HIVEP3: variants seen among roughly 807,000 people sequenced by gnomAD.
The protein encoded by HIVEP3 is HIVEP zinc finger 3.
HIVEP3 carries 49 observed loss-of-function variants against 152.8 expected under a neutral mutation model. The observed-to-expected ratio is 0.32, with a 90% CI of 0.26 to 0.41. The LOEUF (loss-of-function observed/expected upper bound fraction) is 0.41, where lower values mean the gene tolerates loss of function less well. Among genes scored for constraint, HIVEP3 ranks in the 10% least tolerant of loss-of-function variants. The pLI, the probability that HIVEP3 is intolerant of heterozygous loss-of-function variation, is 1.00. For missense variants in HIVEP3, 2,790 were observed against 3,103.3 expected, an observed-to-expected ratio of 0.90 and a Z score of 2.40; for synonymous variants, 1,269 against 1,289.0, an observed-to-expected ratio of 0.98 and a Z score of 0.33.
chr1:41,575,791 A>T lies in HIVEP3; in HGVS notation c.5062-102T>A, dbSNP rs1204937607. 3 of 1,276,492 alleles carry T rather than the reference A, an allele frequency of 2.4e-6. No homozygotes were observed. In the Admixed American group the frequency reaches 5.8e-5, roughly 25 times the overall value. 79.1% of individuals were successfully genotyped at this position (1,276,492 alleles called of 1,614,324 possible). A position where few individuals can be genotyped will look rare whatever the true frequency, so the allele number is the denominator to read the frequency against. On this transcript the variant is annotated intron_variant, in intron 4 of 8. Coordinates refer to ENST00000372583, the MANE Select transcript of HIVEP3 (RefSeq NM_024503.5). ...ATGCCTTACACAGTACTGCACAAGTACACATATGCAATCTTCACACTCCCC... is the reference window on the plus strand; with the variant it reads ...ATGCCTTACACAGTACTGCACAAGTTCACATATGCAATCTTCACACTCCCC...
intron 1 of HIVEP3, among the ~76,000 whole-genome samples, chr1:41,763,352 G>A (rs1197631586): frequency 6.6e-6 from 1 of 152,096 alleles, no homozygotes; most frequent in Non-Finnish European, 1.5e-5. Flanking sequence ...CCTGCACAGG[G>A]GTCCCCAAAC....
chr1:41,594,642 A>T (rs967089471), intron 3 of HIVEP3, among the ~76,000 whole-genome samples: 8 of 152,210 alleles, frequency 5.3e-5, no homozygotes, highest in African/African-American at 1.9e-4. Context: ...CTCTTTTGAT[A>T]TTGAAGCTAT....
Position 41,582,834 on chromosome 1 carries a change from C to G in HIVEP3, c.1964G>C (p.Arg655Thr). The G allele has an allele frequency of 2.5e-6, 4 of 1,614,168 alleles. No individual in the cohort carries two copies. Among genetic ancestry groups the G allele is most frequent in the Non-Finnish European group, 3.4e-6 (4 of 1,180,010 alleles). Residue 655 changes from arginine to threonine, a missense_variant, in exon 4 of 9, where the codon AGG becomes ACG. By Grantham distance (71) the Arg-to-Thr change is moderately conservative. Transcript: ENST00000372583. This position sits in a 1 kb window ranked among gnomAD's most constrained non-coding sequence, Gnocchi z 4.7. ...CNICGARYKK[R>T]DNYEAHKKYY... ...TTTTTTGTGGGCTTCGTAGTTATCC[C>G]TTTTCTTGTACCGAGCACCACATAT...
intron 2 of HIVEP3, among the ~76,000 whole-genome samples, chr1:41,685,176 T>C (rs1646096652): frequency 6.6e-6 from 1 of 152,150 alleles, no homozygotes; most frequent in Non-Finnish European, 1.5e-5. Context: ...GTGATGGTGT[T>C]TTGCAAACTG....
chr1:42,034,494 C>T (rs1553144975), intron 1 of HIVEP3, among the ~76,000 whole-genome samples: 1 of 152,114 alleles, frequency 6.6e-6, no homozygotes, highest in Non-Finnish European at 1.5e-5. Context: ...ACTACAACGG[C>T]GCCTGATTAC....
chr1:41,911,889 A>G (rs994521213), intron 1 of HIVEP3, among the ~76,000 whole-genome samples: 3 of 152,148 alleles, frequency 2.0e-5, no homozygotes, highest in Admixed American at 6.5e-5. Flanking sequence ...GGACTTGGAG[A>G]AGTACCATAG....
chr1:41,798,489 C>T (rs746090388), intron 1 of HIVEP3, among the ~76,000 whole-genome samples: 1 of 152,174 alleles, frequency 6.6e-6, no homozygotes, highest in Non-Finnish European at 1.5e-5. Context: ...TGATGCCACA[C>T]CAGGCTGTGC....
chr1:41,740,349 C>T (rs1646979037), intron 1 of HIVEP3, among the ~76,000 whole-genome samples: 1 of 152,234 alleles, frequency 6.6e-6, no homozygotes, highest in African/African-American at 2.4e-5. Flanking sequence ...GTAGGTGGGA[C>T]AGGACACCCC....
At chr1:41,833,636 G>C (rs2124359646) in intron 1 of HIVEP3, among the ~76,000 whole-genome samples, 1 of 152,222 alleles carries the variant, frequency 6.6e-6, no homozygotes, top group South Asian at 2.1e-4. Context: ...AGAATCTGAG[G>C]GCTCAAGGAG....
Position 41,580,618 on chromosome 1 carries a change from G to T in HIVEP3, c.4180C>A (p.Pro1394Thr). Residue 1394 changes from proline to threonine, a missense_variant, in exon 4 of 9, where the codon CCA becomes ACA. This residue lies in a region of HIVEP3 where 1,078 missense variants were observed against 1,165.3 expected (regional missense o/e 0.93). Coordinates refer to ENST00000372583, the MANE Select transcript of HIVEP3 (RefSeq NM_024503.5). ...AATGTCACAGGCACTCTCAGGTATG[G>T]AGTTGGGAAAGCTCTGCTTTGCTCT... Reference protein sequence around the residue: ...SEEQSRAFPTPYLRVPVTLPE... With the variant: ...SEEQSRAFPTTYLRVPVTLPE... 6.2e-7 allele frequency: 1 copy of T among 1,614,158 alleles called. No individual in the cohort carries two copies. The highest frequency in any genetic ancestry group is 8.5e-7 in the Non-Finnish European group (1 of 1,180,044).
Position 41,513,107 on chromosome 1 carries a change from G to A in HIVEP3, c.6114C>T (p.Leu2038=), listed in dbSNP as rs1642487965. 6.2e-7 allele frequency: 1 copy of A among 1,613,796 alleles called. No individual in the cohort carries two copies. Among genetic ancestry groups the A allele is most frequent in the African/African-American group, 1.3e-5 (1 of 74,948 alleles). The change falls in exon 8 of 9, where the codon CTC becomes CTT. Residue 2038 remains leucine (L), a synonymous_variant. Transcript: ENST00000372583. ...GGGCCAGTTCTCTTCCCAGGGGGCA[G>A]AGGGTGAGAGGAGACAGCTGAAGTC... ...SPRLQLSPLT[L]CPLGRELAPR... is the part of the protein sequence containing the mutation.
intron 1 of HIVEP3, among the ~76,000 whole-genome samples, chr1:41,934,249 T>G (rs1645009052): frequency 6.6e-6 from 1 of 152,174 alleles, no homozygotes; most frequent in Non-Finnish European, 1.5e-5. Context: ...TTATTATCCC[T>G]AGGGCTTTGC....
intron 1 of HIVEP3, among the ~76,000 whole-genome samples, chr1:41,738,459 A>G (rs1351126410): frequency 1.3e-5 from 2 of 152,220 alleles, no homozygotes; most frequent in Non-Finnish European, 2.9e-5. Flanking sequence ...GATACATGCT[A>G]TAGCATAAGA....
Position 41,745,922 on chromosome 1 carries a change from C to G in HIVEP3, c.-800-44927G>C, listed in dbSNP as rs982782264. 3.9e-5 allele frequency among the ~76,000 whole-genome samples: 6 copies of G among 152,184 alleles called. No homozygotes were observed. In the South Asian group the frequency reaches 1.0e-3, roughly 26 times the overall value. On this transcript the variant is annotated intron_variant, in intron 1 of 8. Transcript: ENST00000372583. ...AGCAGATCTGGTCCCTACCATGATG[C>G]CTGGCATCAAGAATCCTCAATCAGT...
intron 1 of HIVEP3, among the ~76,000 whole-genome samples, chr1:41,765,869 T>C (rs1236650481): frequency 6.6e-6 from 1 of 152,216 alleles, no homozygotes. Context: ...AGGGACTTCA[T>C]GTTGTGGCCT....
At chr1:41,590,856 G>A (rs954682699) in intron 3 of HIVEP3, among the ~76,000 whole-genome samples, 2 of 152,120 alleles carry the variant, frequency 1.3e-5, no homozygotes, top group Non-Finnish European at 2.9e-5. Flanking sequence ...ACAGCACAGC[G>A]ACTCCCAAGG....
In HIVEP3 at chr1:41,581,043, C is replaced by A; in HGVS notation, c.3755G>T (p.Gly1252Val). 6.4e-7 allele frequency: 1 copy of A among 1,558,142 alleles called. No homozygotes were observed. Among genetic ancestry groups the A allele is most frequent in the Non-Finnish European group, 8.7e-7 (1 of 1,151,868 alleles). Reference protein sequence around the residue: ...LQSQFALQLPGDVESHLPQIK... With the variant: ...LQSQFALQLPVDVESHLPQIK... ...CTGGGGCAGATGGCTTTCCACATCACCAGGGAGCTGAAGTGCAAACTGGGA... is the reference window on the plus strand; with the variant it reads ...CTGGGGCAGATGGCTTTCCACATCAACAGGGAGCTGAAGTGCAAACTGGGA... The change falls in exon 4 of 9, where the codon GGT (glycine) becomes GTT (valine). Residue 1252 changes from glycine (G) to valine (V), a missense_variant. Physicochemically the swap from Gly to Val is moderately radical, Grantham distance 109. Around this residue, in one of 9 missense-constraint regions of HIVEP3, gnomAD observed 1,078 missense variants for 1,165.3 expected, o/e 0.93. Coordinates refer to ENST00000372583, the MANE Select transcript of HIVEP3 (RefSeq NM_024503.5). The surrounding 1 kb of genome is among the most constrained non-coding windows in gnomAD (Gnocchi z 4.5).
rs189681141 is a variant in HIVEP3, at chr1:41,764,479, C to A, written c.-800-63484G>T. 9.9e-4 allele frequency among the ~76,000 whole-genome samples: 150 copies of A among 152,240 alleles called. 1 individual carries two copies. Among genetic ancestry groups the A allele is most frequent in the African/African-American group, 3.4e-3 (142 of 41,530 alleles). On this transcript the variant is annotated intron_variant, in intron 1 of 8. Coordinates refer to ENST00000372583, the MANE Select transcript of HIVEP3 (RefSeq NM_024503.5). ...AAGTCAACCTTCAATGCTCAGTGAC[C>A]AGAGGGACAGCTGCAGAGGGAAACC...
intron 1 of HIVEP3, among the ~76,000 whole-genome samples, chr1:41,813,117 C>T (rs1651064780): frequency 1.3e-5 from 2 of 152,128 alleles, no homozygotes; most frequent in African/African-American, 4.8e-5. Flanking sequence ...TGGCTCACTG[C>T]AACCTCTGCC....
Sources: gnomAD v4.1 joint callset for allele counts (sites outside exome capture counted in the v4.1 genomes callset) on GRCh38, gnomAD v4.1.1 for gene constraint, gnomAD v4.1.1 regional missense constraint, Gnocchi (gnomAD v3.1) non-coding constraint, MANE v1.5 for transcripts, NCBI Gene and HGNC (gene_info 2026-07-23, HGNC 2026-07-21) for gene names.